Variants in TIA1 observed in about 807,000 individuals in gnomAD.
The protein encoded by TIA1 is TIA1 cytotoxic granule associated RNA binding protein, also known as cytotoxic granule associated RNA binding protein TIA1.
A neutral mutation model predicts 65.9 loss-of-function variants in TIA1; 23 were observed. That is an observed-to-expected ratio of 0.35 (90% CI 0.25 to 0.49). TIA1 has a LOEUF of 0.49. Ranked by LOEUF, TIA1 falls within the 20% of genes least tolerant of loss-of-function variation. The pLI, the probability that TIA1 is intolerant of heterozygous loss-of-function variation, is 0.98. For synonymous variants in TIA1, 147 were observed against 149.4 expected, an observed-to-expected ratio of 0.98 and a Z score of 0.12; for missense variants, 371 against 477.9, an observed-to-expected ratio of 0.78 and a Z score of 2.09.
chr2:70,241,688 C>T (rs1482234095), intron 1 of TIA1, among the ~76,000 whole-genome samples: 1 of 151,086 alleles, frequency 6.6e-6, no homozygotes, highest in Non-Finnish European at 1.5e-5. Flanking sequence ...ACCTGTAAAC[C>T]CAGTGCTTTG....
chr2:70,248,539 CAG>C lies in TIA1; in HGVS notation c.-111_-110del, dbSNP rs1356268420. The C allele has an allele frequency of 2.0e-6, 3 of 1,534,318 alleles. No individual in the cohort carries two copies. Among genetic ancestry groups the C allele is most frequent in the Non-Finnish European group, 2.7e-6 (3 of 1,128,020 alleles). On this transcript the variant is annotated 5_prime_UTR_variant, in exon 1 of 13. Transcript: ENST00000433529. ...AGGATAGTGGGGTTTCTCGGCTGAC[CAG>C]AGGTTACTCCGCCTCCTCCTCCGGC... is the stretch of plus-strand genomic sequence containing the variant.
At chr2:70,241,297 C>T (rs180863091) in intron 1 of TIA1, among the ~76,000 whole-genome samples, 2 of 152,170 alleles carry the variant, frequency 1.3e-5, no homozygotes, top group Non-Finnish European at 2.9e-5. Flanking sequence ...AAAAAATTAG[C>T]TGGGCTTGGT....
At chr2:70,235,541 A>AGAGTGTGT (rs1553451641) in intron 2 of TIA1, among the ~76,000 whole-genome samples, 8 of 147,204 alleles carry the variant, frequency 5.4e-5, no homozygotes, top group Non-Finnish European at 6.0e-5. Context: ...TAGATGAATG[A>AGAGTGTGT]GTGTGTGTGT....
intron 11 of TIA1, 115 bp downstream of exon 11, chr2:70,215,256 C>G: frequency 7.6e-7 from 1 of 1,320,060 alleles, no homozygotes; most frequent in Non-Finnish European, 1.1e-6. Context: ...TAGGAAGAGC[C>G]CTTATATACT....
intron 12 of TIA1, among the ~76,000 whole-genome samples, chr2:70,213,331 T>C (rs149939194): frequency 6.6e-6 from 1 of 151,018 alleles, no homozygotes; most frequent in East Asian, 2.0e-4. Flanking sequence ...CATTACAAGA[T>C]TTTCTTTTCT....
chr2:70,215,826 G>T (rs1027381327), intron 10 of TIA1, among the ~76,000 whole-genome samples: 1 of 151,930 alleles, frequency 6.6e-6, no homozygotes, highest in Non-Finnish European at 1.5e-5. Context: ...TTGGCTCACT[G>T]CAACCTCCAC....
intron 7 of TIA1, among the ~76,000 whole-genome samples, chr2:70,222,539 C>T (rs776570036): frequency 6.6e-6 from 1 of 152,080 alleles, no homozygotes; most frequent in African/African-American, 2.4e-5. Flanking sequence ...TGTAGCACTG[C>T]GTAACAGAGC....
rs1676023003 is a variant in TIA1 at position 70,209,766 on chromosome 2, T to C, written c.*2953A>G. 2.5e-6 allele frequency: 1 copy of C among 398,128 alleles called. No individual in the cohort carries two copies. The highest frequency in any genetic ancestry group is 1.3e-4 in the South Asian group (1 of 7,842). 24.7% of individuals were successfully genotyped at this position (398,128 alleles called of 1,614,324 possible). A position where few individuals can be genotyped will look rare whatever the true frequency, so the allele number is the denominator to read the frequency against. The stretch of plus-strand genomic sequence containing the variant: ...GAAATCATCACTCTCATTTGAAAGG[T>C]TTGCTTTCTTATTTCCTGTAAGTAC... On this transcript the variant is annotated 3_prime_UTR_variant, in exon 13 of 13. Coordinates refer to ENST00000433529, the MANE Select transcript of TIA1 (RefSeq NM_022173.4).
chr2:70,231,968 C>G (rs758627712), intron 2 of TIA1, among the ~76,000 whole-genome samples: 18 of 151,792 alleles, frequency 1.2e-4, no homozygotes, highest in Non-Finnish European at 2.4e-4. Context: ...TTCGAGAGGC[C>G]GAGGCAGGCG....
In TIA1 at chr2:70,248,501, C is replaced by A; in HGVS notation, c.-71G>T. 2 of 1,598,404 alleles carry A rather than the reference C, an allele frequency of 1.3e-6. No homozygotes were observed. Among genetic ancestry groups the A allele is most frequent in the Non-Finnish European group, 1.7e-6 (2 of 1,178,516 alleles). Reference sequence around the variant, plus strand: ...TTCACTACCTCCCAAATCGTTTAAGCGGTTATGGCTACAGGATAGTGGGGT... The same window carrying A: ...TTCACTACCTCCCAAATCGTTTAAGAGGTTATGGCTACAGGATAGTGGGGT... On this transcript the variant is annotated 5_prime_UTR_variant, in exon 1 of 13. Coordinates refer to ENST00000433529, the MANE Select transcript of TIA1 (RefSeq NM_022173.4).
intron 5 of TIA1, chr2:70,228,808 C>A: frequency 7.2e-7 from 1 of 1,380,386 alleles, no homozygotes; most frequent in Non-Finnish European, 9.3e-7. Context: ...GTATTTTGCC[C>A]CTTAGTTGGT....
At chr2:70,219,937 A>G (rs1680493010) in intron 7 of TIA1, among the ~76,000 whole-genome samples, 1 of 152,110 alleles carries the variant, frequency 6.6e-6, no homozygotes, top group Non-Finnish European at 1.5e-5. Context: ...TCCGAACTCC[A>G]TGAGACGCTT....
At chr2:70,233,380 G>A (rs137998912) in intron 2 of TIA1, among the ~76,000 whole-genome samples, 6 of 152,272 alleles carry the variant, frequency 3.9e-5, no homozygotes, top group African/African-American at 1.2e-4. Context: ...AAAAATTAGA[G>A]AATAAAAATG....
intron 6 of TIA1, chr2:70,225,243 T>C (rs1683307753): frequency 8.8e-7 from 1 of 1,136,866 alleles, no homozygotes; most frequent in Admixed American, 4.5e-5. Context: ...CTGAATTTTA[T>C]AATAGCATTC....
Position 70,210,970 on chromosome 2 carries a change from T to C in TIA1, c.*1749A>G, listed in dbSNP as rs1395842191. On this transcript the variant is annotated 3_prime_UTR_variant, in exon 13 of 13. Coordinates refer to ENST00000433529, the MANE Select transcript of TIA1 (RefSeq NM_022173.4). ...AATTATACACTCGAGCTGTCTTTCCTGGGCTCTGGTTTATAAGGGTATTGG... is the reference window on the plus strand; with the variant it reads ...AATTATACACTCGAGCTGTCTTTCCCGGGCTCTGGTTTATAAGGGTATTGG... 6.6e-6 allele frequency: 1 copy of C among 152,212 alleles called. No individual in the cohort carries two copies. Among genetic ancestry groups the C allele is most frequent in the African/African-American group, 2.4e-5 (1 of 41,468 alleles). 9.4% of individuals were successfully genotyped at this position (152,212 alleles called of 1,614,324 possible). A position where few individuals can be genotyped will look rare whatever the true frequency, so the allele number is the denominator to read the frequency against.
At chr2:70,232,472 G>A (rs1411163145) in intron 2 of TIA1, among the ~76,000 whole-genome samples, 3 of 140,256 alleles carry the variant, frequency 2.1e-5, no homozygotes, top group South Asian at 2.3e-4. Context: ...CCCTGGAGGC[G>A]AAGGTTGTGG....
intron 7 of TIA1, among the ~76,000 whole-genome samples, chr2:70,222,743 G>A (rs941865244): frequency 6.6e-6 from 1 of 152,240 alleles, no homozygotes; most frequent in East Asian, 1.9e-4. Flanking sequence ...GTGAAATCCT[G>A]TCTCTACTAA....
Position 70,248,487 on chromosome 2 carries a change from C to T in TIA1, c.-57G>A, listed in dbSNP as rs752799255. ...CCAGCTCCCTGCCCTTCACTACCTC[C>T]CAAATCGTTTAAGCGGTTATGGCTA... On this transcript the variant is annotated 5_prime_UTR_variant, in exon 1 of 13. Coordinates refer to ENST00000433529, the MANE Select transcript of TIA1 (RefSeq NM_022173.4). 6.2e-7 allele frequency: 1 copy of T among 1,600,440 alleles called. No individual in the cohort carries two copies. Among genetic ancestry groups the T allele is most frequent in the Non-Finnish European group, 8.5e-7 (1 of 1,179,842 alleles).
At chr2:70,215,240 T>C in intron 11 of TIA1, 131 bp downstream of exon 11, 3 of 1,149,488 alleles carry the variant, frequency 2.6e-6, no homozygotes, top group East Asian at 2.5e-5. Flanking sequence ...GGAACTATAA[T>C]ACATGTAGGA....
Sources: allele counts gnomAD v4.1 joint callset (sites outside exome capture counted in the v4.1 genomes callset), GRCh38; gene constraint gnomAD v4.1.1; transcripts MANE v1.5; gene names NCBI Gene and HGNC (gene_info 2026-07-23, HGNC 2026-07-21).